KCNAB1: variants seen among roughly 807,000 people sequenced by gnomAD.
KCNAB1 encodes the protein voltage-gated potassium channel subunit beta-1.
Under a neutral mutation model 64.6 loss-of-function variants are expected in KCNAB1, and 35 were observed. That is an observed-to-expected ratio of 0.54 (90% CI 0.41 to 0.72). KCNAB1 has a LOEUF of 0.72. KCNAB1 is among the 30% of genes least tolerant of loss of function. The pLI is 0.00. For synonymous variants in KCNAB1, 177 were observed against 183.8 expected (o/e 0.96, Z 0.30); for missense variants, 401 against 512.9 (o/e 0.78, Z 2.11).
At chr3:156,266,719 A>G (rs756763748) in intron 1 of KCNAB1, among the ~76,000 whole-genome samples, 2 of 152,214 alleles carry the variant, frequency 1.3e-5, no homozygotes, top group Non-Finnish European at 2.9e-5. Flanking sequence ...ACAGTAATCC[A>G]TATCAGATCT....
chr3:156,268,676 A>G (rs745439621), intron 1 of KCNAB1, among the ~76,000 whole-genome samples: 7 of 152,162 alleles, frequency 4.6e-5, no homozygotes, highest in Non-Finnish European at 7.4e-5. Context: ...TCCTCTTTGG[A>G]GAATCAGATA....
rs142590092 is a variant in KCNAB1 at position 156,516,331 on chromosome 3, C to T, written c.927C>T (p.Asn309=). 66 of 1,613,696 alleles carry T rather than the reference C, an allele frequency of 4.1e-5. No individual in the cohort carries two copies. Among genetic ancestry groups the T allele is most frequent in the Middle Eastern group, 1.6e-4 (1 of 6,082 alleles). Residue 309 remains asparagine (N), a synonymous_variant, in exon 11 of 14, where the codon AAC becomes AAT. Transcript: ENST00000490337. ...ACGIISGKYG[N]GVPESSRASL... ...GAATCATCTCAGGAAAATACGGAAA[C>T]GGGGTGCCTGAAAGTTCCAGGGCTT...
intron 1 of KCNAB1, among the ~76,000 whole-genome samples, chr3:156,301,194 C>T (rs1721132226): frequency 6.6e-6 from 1 of 151,734 alleles, no homozygotes; most frequent in South Asian, 2.1e-4. Context: ...CCTCTTTAAA[C>T]TAGGTTTTTA....
chr3:156,200,687 A>G (rs988239035), intron 1 of KCNAB1, among the ~76,000 whole-genome samples: 3 of 152,164 alleles, frequency 2.0e-5, no homozygotes, highest in Non-Finnish European at 4.4e-5. Flanking sequence ...TCCCAGGTCA[A>G]CTTCAGACTG....
intron 1 of KCNAB1, among the ~76,000 whole-genome samples, chr3:156,252,828 C>T (rs1717910753): frequency 6.6e-6 from 1 of 152,188 alleles, no homozygotes; most frequent in Non-Finnish European, 1.5e-5. Flanking sequence ...TTCCAACGCG[C>T]ATTGTCTTAA....
intron 1 of KCNAB1, among the ~76,000 whole-genome samples, chr3:156,298,254 T>G (rs1445226593): frequency 6.6e-6 from 1 of 152,060 alleles, no homozygotes; most frequent in African/African-American, 2.4e-5. Context: ...TCTGGAAGTG[T>G]GTGTGGGGGC....
chr3:156,484,680 G>C (rs1715070328), intron 8 of KCNAB1, among the ~76,000 whole-genome samples: 1 of 152,078 alleles, frequency 6.6e-6, no homozygotes, highest in Non-Finnish European at 1.5e-5. Context: ...GGGTTTACTG[G>C]CATGCTGATT....
chr3:156,387,410 G>C (rs1712701613), intron 1 of KCNAB1, among the ~76,000 whole-genome samples: 1 of 152,090 alleles, frequency 6.6e-6, no homozygotes. Context: ...GGATTTAATG[G>C]GGTTTCATGT....
chr3:156,488,066 C>T (rs1459179272), intron 8 of KCNAB1, among the ~76,000 whole-genome samples: 1 of 151,996 alleles, frequency 6.6e-6, no homozygotes, highest in African/African-American at 2.4e-5. Flanking sequence ...AAGAACATGA[C>T]ATAGTATAAA....
At chr3:156,175,789 G>A in intron 1 of KCNAB1, 1 of 585,860 alleles carries the variant, frequency 1.7e-6, no homozygotes, top group Non-Finnish European at 3.2e-6. Context: ...GCTAGCCTGG[G>A]CAATAAATAT....
At chr3:156,401,789 T>G (rs1232362110) in intron 1 of KCNAB1, among the ~76,000 whole-genome samples, 1 of 152,226 alleles carries the variant, frequency 6.6e-6, no homozygotes, top group Non-Finnish European at 1.5e-5. Flanking sequence ...GAATATGTTC[T>G]TCTCTACATT....
At chr3:156,398,036 T>G (rs867416786) in intron 1 of KCNAB1, among the ~76,000 whole-genome samples, 1 of 152,212 alleles carries the variant, frequency 6.6e-6, no homozygotes, top group South Asian at 2.1e-4. Context: ...TATATACATG[T>G]ACCACTATGC....
intron 1 of KCNAB1, among the ~76,000 whole-genome samples, chr3:156,307,626 T>C (rs1292250774): frequency 6.6e-6 from 1 of 152,094 alleles, no homozygotes; most frequent in African/African-American, 2.4e-5. Context: ...CCAAGGTGGC[T>C]CCATTCATCT....
intron 1 of KCNAB1, chr3:156,291,373 A>G (rs1720403041): frequency 1.0e-6 from 1 of 994,332 alleles, no homozygotes; most frequent in Non-Finnish European, 1.2e-6. Context: ...GCTTGCGATT[A>G]GCTGCTTCTT....
At chr3:156,186,772 G>A (rs1713222248) in intron 1 of KCNAB1, among the ~76,000 whole-genome samples, 1 of 151,718 alleles carries the variant, frequency 6.6e-6, no homozygotes, top group Admixed American at 6.6e-5. Context: ...TGCTCTCCTT[G>A]TTCTTTGAGC....
chr3:156,352,578 G>A (rs1724926552), intron 1 of KCNAB1, among the ~76,000 whole-genome samples: 2 of 152,212 alleles, frequency 1.3e-5, no homozygotes, highest in Admixed American at 1.3e-4. Context: ...TTTAATGGCA[G>A]GAACCTTACT....
At chr3:156,126,743 A>G (rs1021979718) in intron 1 of KCNAB1, among the ~76,000 whole-genome samples, 2 of 152,194 alleles carry the variant, frequency 1.3e-5, no homozygotes, top group African/African-American at 2.4e-5. Flanking sequence ...GGCTCTACCA[A>G]TTATCAGCTA....
chr3:156,209,927 A>T (rs970458916), intron 1 of KCNAB1, among the ~76,000 whole-genome samples: 31 of 152,248 alleles, frequency 2.0e-4, no homozygotes, highest in African/African-American at 7.0e-4. Flanking sequence ...TGCATTCCGC[A>T]TTAGACATTA....
intron 7 of KCNAB1, among the ~76,000 whole-genome samples, chr3:156,468,768 T>C (rs1005414061): frequency 6.6e-6 from 1 of 152,230 alleles, no homozygotes; most frequent in African/African-American, 2.4e-5. Flanking sequence ...CTGAAACAGC[T>C]ACAATAAGTG....
Sources: allele counts gnomAD v4.1 joint callset (sites outside exome capture counted in the v4.1 genomes callset), GRCh38; gene constraint gnomAD v4.1.1; transcripts MANE v1.5; gene names NCBI Gene and HGNC (gene_info 2026-07-23, HGNC 2026-07-21).